SIK3: variants seen among roughly 807,000 people sequenced by gnomAD.
SIK3 encodes serine/threonine-protein kinase SIK3.
SIK3 carries 28 observed loss-of-function variants against 144.2 expected under a neutral mutation model. That is an observed-to-expected ratio of 0.19 (90% CI 0.14 to 0.27). The LOEUF (loss-of-function observed/expected upper bound fraction) is 0.27, where lower values mean the gene tolerates loss of function less well. SIK3 is among the 10% of genes least tolerant of loss of function. SIK3 has a pLI of 1.00. For missense variants in SIK3, 1,319 were observed against 1,776.0 expected (o/e 0.74, Z 4.62); for synonymous variants, 686 against 676.3 (o/e 1.01, Z -0.22).
intron 1 of SIK3, among the ~76,000 whole-genome samples, chr11:117,066,211 G>C (rs1194060759): frequency 6.6e-6 from 1 of 151,638 alleles, no homozygotes; most frequent in East Asian, 1.9e-4. Context: ...TGGGATTACA[G>C]GCACACGCCA....
chr11:116,983,669 C>CTAAT (rs1202157909), intron 1 of SIK3, among the ~76,000 whole-genome samples: 5 of 152,240 alleles, frequency 3.3e-5, no homozygotes, highest in African/African-American at 1.2e-4. Flanking sequence ...GGAATTTAAA[C>CTAAT]TTATTAGAGG....
At position 116,858,207 on chromosome 11, in the gene SIK3, G is replaced by C; in HGVS notation, c.3258C>G (p.Ser1086Arg). 1.2e-6 allele frequency: 2 copies of C among 1,614,156 alleles called. No individual in the cohort carries two copies. The highest frequency in any genetic ancestry group is 2.2e-5 in the East Asian group (1 of 44,878). Residue 1086 changes from serine (S) to arginine (R), a missense_variant, in exon 21 of 25, where the codon AGC (serine) becomes AGG (arginine). Physicochemically the swap from Ser to Arg is moderately radical, Grantham distance 110. This residue lies in a region of SIK3 where 646 missense variants were observed against 763.7 expected (regional missense o/e 0.85). Transcript: ENST00000445177. The surrounding 1 kb of genome is among the most constrained non-coding windows in gnomAD (Gnocchi z 5.4). ...GSLAPSLGGQ[S>R]MTERQALSYQ... is the part of the protein sequence containing the mutation. ...AAGATAAAGCCTGGCGCTCTGTCAT[G>C]CTCTGTCCCCCAAGGCTGGGAGCCA...
chr11:116,857,793 T>C lies in SIK3; in HGVS notation c.3655+17A>G. On this transcript the variant is annotated intron_variant, in intron 21 of 24. Transcript: ENST00000445177. ...GGGCAGACTGGCCCAGGACTTCCAC[T>C]GTGAGGAGACACTTACCTCTGCTGG... 2 of 1,613,190 alleles carry C rather than the reference T, an allele frequency of 1.2e-6. No homozygotes were observed. Among genetic ancestry groups the C allele is most frequent in the Non-Finnish European group, 1.7e-6 (2 of 1,179,396 alleles).
At chr11:116,927,528 T>G in intron 3 of SIK3, 148 bp from the exon 4 acceptor site, 1 of 658,816 alleles carries the variant, frequency 1.5e-6, no homozygotes, top group Non-Finnish European at 2.6e-6. Flanking sequence ...ATAGTCCTGG[T>G]TTGCATCTAT....
chr11:116,943,346 G>C (rs895518841), intron 3 of SIK3, among the ~76,000 whole-genome samples: 4 of 152,170 alleles, frequency 2.6e-5, no homozygotes, highest in African/African-American at 9.7e-5. Context: ...AAGAAGGGCA[G>C]CAGGGCTTTT....
chr11:117,001,692 A>C (rs1950857169), intron 1 of SIK3, among the ~76,000 whole-genome samples: 1 of 151,942 alleles, frequency 6.6e-6, no homozygotes, highest in Non-Finnish European at 1.5e-5. Flanking sequence ...CAGGCCTCAA[A>C]CGATTCTCCC....
intron 1 of SIK3, among the ~76,000 whole-genome samples, chr11:117,052,778 T>C (rs934766511): frequency 3.3e-5 from 5 of 152,234 alleles, no homozygotes; most frequent in African/African-American, 9.6e-5. Flanking sequence ...TTCATTGTAA[T>C]AGCAAATTTC....
At chr11:117,090,595 T>C (rs1414725027) in intron 1 of SIK3, among the ~76,000 whole-genome samples, 1 of 152,204 alleles carries the variant, frequency 6.6e-6, no homozygotes, top group Non-Finnish European at 1.5e-5. Context: ...AACAAATGTA[T>C]AATTACCAAT....
chr11:117,043,599 A>G (rs906643284), intron 1 of SIK3, among the ~76,000 whole-genome samples: 2 of 152,202 alleles, frequency 1.3e-5, no homozygotes, highest in African/African-American at 2.4e-5. Flanking sequence ...TATATTAACC[A>G]TGCCTCAACA....
At chr11:116,994,729 C>G (rs899300909) in intron 1 of SIK3, among the ~76,000 whole-genome samples, 1 of 152,178 alleles carries the variant, frequency 6.6e-6, no homozygotes, top group Non-Finnish European at 1.5e-5. Context: ...TCTACGTTTA[C>G]TCACACCAAA....
chr11:116,932,582 A>T (rs917892017), intron 3 of SIK3, among the ~76,000 whole-genome samples: 1 of 152,070 alleles, frequency 6.6e-6, no homozygotes, highest in African/African-American at 2.4e-5. Context: ...TCCCCTGTTC[A>T]ATTTTTTGTA....
At chr11:116,853,392 C>T (rs1011564334) in intron 21 of SIK3, among the ~76,000 whole-genome samples, 5 of 152,150 alleles carry the variant, frequency 3.3e-5, no homozygotes, top group African/African-American at 1.2e-4. Flanking sequence ...AAAGATGGTT[C>T]CCAAGAGCTA....
At chr11:116,866,918 G>C (rs1042977904) in intron 15 of SIK3, among the ~76,000 whole-genome samples, 23 of 152,206 alleles carry the variant, frequency 1.5e-4, no homozygotes, top group Non-Finnish European at 2.8e-4. Context: ...CCTTCTTTTA[G>C]GGTTCCAACG....
chr11:117,061,957 T>C (rs1423305457), intron 1 of SIK3, among the ~76,000 whole-genome samples: 1 of 151,930 alleles, frequency 6.6e-6, no homozygotes, highest in African/African-American at 2.4e-5. Context: ...GAGTGTATGT[T>C]AATATGACCG....
At chr11:116,953,988 T>C (rs893644655) in intron 3 of SIK3, 56 bp downstream of exon 3, 3 of 1,419,468 alleles carry the variant, frequency 2.1e-6, no homozygotes, top group Non-Finnish European at 3.0e-6. Context: ...ACAGCTATTT[T>C]AGGTTTGCCA....
chr11:116,938,978 T>A (rs1194817955), intron 3 of SIK3, among the ~76,000 whole-genome samples: 1 of 152,138 alleles, frequency 6.6e-6, no homozygotes, highest in African/African-American at 2.4e-5. Context: ...GAGAACCAAT[T>A]CATTATTCTA....
At chr11:117,026,129 AGAT>A (rs1338267077) in intron 1 of SIK3, among the ~76,000 whole-genome samples, 3 of 152,344 alleles carry the variant, frequency 2.0e-5, no homozygotes, top group East Asian at 1.9e-4. Flanking sequence ...AGGTCCTGTA[AGAT>A]GATAACGCTG....
intron 1 of SIK3, among the ~76,000 whole-genome samples, chr11:117,041,865 T>A (rs2135859629): frequency 6.6e-6 from 1 of 152,300 alleles, no homozygotes; most frequent in East Asian, 1.9e-4. Flanking sequence ...TATTTTCCTT[T>A]ACTGATCAGA....
rs145832613 is a variant in SIK3, at chr11:116,877,081, G to C, written c.866-39C>G. The C allele has an allele frequency of 8.2e-5, 129 of 1,569,222 alleles. 2 individuals are homozygous for C. In the Middle Eastern group the frequency reaches 1.3e-3, roughly 16 times the overall value. On this transcript the variant is annotated intron_variant, in intron 6 of 24. Transcript: ENST00000445177. ...ACAGCCTGCCTTCAGTCTCTGGTGA[G>C]GGGAGGCACCAGGGGAGTAGAGGAA...
Sources: allele counts gnomAD v4.1 joint callset (sites outside exome capture counted in the v4.1 genomes callset), GRCh38; gene constraint gnomAD v4.1.1; regional missense constraint gnomAD v4.1.1; non-coding constraint Gnocchi (gnomAD v3.1); transcripts MANE v1.5; gene names NCBI Gene and HGNC (gene_info 2026-07-23, HGNC 2026-07-21).